LUZP2: variants seen among roughly 807,000 people sequenced by gnomAD.
The protein encoded by LUZP2 is leucine zipper protein 2.
A neutral mutation model predicts 51.6 loss-of-function variants in LUZP2; 52 were observed. That is an observed-to-expected ratio of 1.01 (90% confidence interval 0.81 to 1.27). The LOEUF (loss-of-function observed/expected upper bound fraction) is 1.27, where lower values mean the gene tolerates loss of function less well. LUZP2 is among the 50% of genes most tolerant of loss of function. LUZP2 has a pLI of 0.00. For synonymous variants in LUZP2, 154 were observed against 137.3 expected, an observed-to-expected ratio of 1.12 and a Z score of -0.85; for missense variants, 436 against 395.4, an observed-to-expected ratio of 1.10 and a Z score of -0.87.
At chr11:24,636,664 A>T (rs1320827587) in intron 1 of LUZP2, among the ~76,000 whole-genome samples, 3 of 152,208 alleles carry the variant, frequency 2.0e-5, no homozygotes, top group Non-Finnish European at 4.4e-5. Context: ...CACAAGTAAC[A>T]TGAATCCAGC....
chr11:24,896,894 A>G (rs1853081733), intron 5 of LUZP2, among the ~76,000 whole-genome samples: 1 of 152,100 alleles, frequency 6.6e-6, no homozygotes, highest in South Asian at 2.1e-4. Context: ...TCTGGTGGGG[A>G]CTTGGAGAAA....
At chr11:24,586,958 A>G (rs950106132) in intron 1 of LUZP2, among the ~76,000 whole-genome samples, 5 of 152,170 alleles carry the variant, frequency 3.3e-5, no homozygotes, top group African/African-American at 1.2e-4. Flanking sequence ...ACTCTTAGGT[A>G]GTATAAATAG....
intron 4 of LUZP2, among the ~76,000 whole-genome samples, chr11:24,739,228 G>A (rs1475277655): frequency 6.6e-6 from 1 of 151,972 alleles, no homozygotes; most frequent in African/African-American, 2.4e-5. Context: ...CAGGATAAGT[G>A]GGCTTGGGAT....
intron 1 of LUZP2, among the ~76,000 whole-genome samples, chr11:24,595,123 C>G (rs1853397952): frequency 6.7e-6 from 1 of 149,910 alleles, no homozygotes; most frequent in South Asian, 2.1e-4. Context: ...TTCTCAAATT[C>G]TTACACAGAG....
chr11:25,075,815 AT>A (rs1185550175), intron 10 of LUZP2, among the ~76,000 whole-genome samples: 1 of 152,172 alleles, frequency 6.6e-6, no homozygotes, highest in Admixed American at 6.6e-5. Flanking sequence ...AGCATAAAAA[AT>A]AACCTTTAAA....
chr11:24,737,724 C>A (rs576107091), intron 3 of LUZP2, among the ~76,000 whole-genome samples: 2 of 152,114 alleles, frequency 1.3e-5, no homozygotes, highest in Non-Finnish European at 1.5e-5. Flanking sequence ...AAATAAGTTT[C>A]TTTTCCCTGT....
intron 1 of LUZP2, among the ~76,000 whole-genome samples, chr11:24,697,819 T>C (rs1371592107): frequency 6.6e-6 from 1 of 152,132 alleles, no homozygotes; most frequent in Non-Finnish European, 1.5e-5. Context: ...AACATCACCA[T>C]TATAAAGCCT....
At chr11:24,580,055 GT>G (rs948913796) in intron 1 of LUZP2, among the ~76,000 whole-genome samples, 4 of 151,966 alleles carry the variant, frequency 2.6e-5, no homozygotes, top group African/African-American at 7.2e-5. Context: ...AAATATCCAG[GT>G]TTTTTTATGA....
intron 9 of LUZP2, among the ~76,000 whole-genome samples, chr11:25,015,068 CATTGT>C (rs1565230028): frequency 1.3e-5 from 2 of 151,774 alleles, no homozygotes; most frequent in Admixed American, 6.6e-5. Context: ...TGTAGATATG[CATTGT>C]ATTTATTATA....
chr11:24,821,635 T>C (rs541104119), intron 5 of LUZP2, among the ~76,000 whole-genome samples: 7 of 152,246 alleles, frequency 4.6e-5, no homozygotes, highest in African/African-American at 1.7e-4. Context: ...CTGTCTTCTG[T>C]CAGTTACTGG....
At chr11:24,899,231 G>C (rs1407603271) in intron 5 of LUZP2, among the ~76,000 whole-genome samples, 5 of 151,598 alleles carry the variant, frequency 3.3e-5, no homozygotes, top group Non-Finnish European at 7.4e-5. Flanking sequence ...ATAATGGTTC[G>C]CTCATCTTCA....
chr11:24,681,506 C>T (rs966610073), intron 1 of LUZP2, among the ~76,000 whole-genome samples: 22 of 152,164 alleles, frequency 1.4e-4, no homozygotes, highest in Non-Finnish European at 2.5e-4. Flanking sequence ...TTTCTTTCCT[C>T]ATGCATAGGA....
chr11:24,723,558 G>A (rs1327470478), intron 1 of LUZP2, among the ~76,000 whole-genome samples: 1 of 152,216 alleles, frequency 6.6e-6, no homozygotes, highest in Admixed American at 6.5e-5. Context: ...GGACACGGCG[G>A]CCCATGCCTA....
At chr11:25,039,791 T>A (rs937277152) in intron 9 of LUZP2, among the ~76,000 whole-genome samples, 3 of 152,286 alleles carry the variant, frequency 2.0e-5, no homozygotes, top group Middle Eastern at 6.8e-3. Flanking sequence ...ATTTTTAAAA[T>A]TTTTTATTGC....
chr11:25,049,965 G>T (rs2134021263), intron 9 of LUZP2, 73 bp from the exon 10 acceptor site: 2 of 754,292 alleles, frequency 2.7e-6, no homozygotes, highest in African/African-American at 1.8e-5. Context: ...AAACGATTTG[G>T]ATCTATTTGT....
intron 9 of LUZP2, among the ~76,000 whole-genome samples, chr11:24,994,357 C>T (rs1250274584): frequency 6.6e-6 from 1 of 152,106 alleles, no homozygotes; most frequent in East Asian, 1.9e-4. Context: ...CTGCATGTGG[C>T]ATCTTGTTGT....
At chr11:25,003,278 A>G (rs1024467910) in intron 9 of LUZP2, among the ~76,000 whole-genome samples, 4 of 152,206 alleles carry the variant, frequency 2.6e-5, no homozygotes, top group Admixed American at 1.3e-4. Context: ...CATGAGGGCT[A>G]TCCCTAAACC....
chr11:24,979,134 C>T (rs34100400), intron 8 of LUZP2, among the ~76,000 whole-genome samples: 56,263 of 151,574 alleles, frequency 0.37, 12,645 homozygotes, highest in East Asian at 0.72. Context: ...CCAAAAATTA[C>T]AGTACTAGGT....
intron 5 of LUZP2, among the ~76,000 whole-genome samples, chr11:24,769,786 C>CTTTTTTTT (rs1554988302): frequency 1.9e-4 from 28 of 147,022 alleles, no homozygotes; most frequent in African/African-American, 6.4e-4. Context: ...ACTAAATTCT[C>CTTTTTTTT]TTTTTTGTTT....
Sources: gnomAD v4.1 joint callset for allele counts (sites outside exome capture counted in the v4.1 genomes callset) on GRCh38, gnomAD v4.1.1 for gene constraint, MANE v1.5 for transcripts, NCBI Gene and HGNC (gene_info 2026-07-23, HGNC 2026-07-21) for gene names.